IGF1R: variants seen among roughly 807,000 people sequenced by gnomAD.
IGF1R encodes the protein insulin-like growth factor 1 receptor.
A neutral mutation model predicts 144.6 loss-of-function variants in IGF1R; 44 were observed. The observed-to-expected ratio is 0.30, with a 90% CI of 0.24 to 0.39. The LOEUF (loss-of-function observed/expected upper bound fraction) is 0.39. Among genes scored for constraint, IGF1R ranks in the 10% least tolerant of loss-of-function variants. IGF1R has a pLI of 1.00. For synonymous variants in IGF1R, 795 were observed against 722.8 expected (o/e 1.10, Z -1.60); for missense variants, 1,355 against 1,833.7 (o/e 0.74, Z 4.77).
intron 2 of IGF1R, among the ~76,000 whole-genome samples, chr15:98,828,051 A>T (rs1002870016): frequency 6.6e-6 from 1 of 152,210 alleles, no homozygotes; most frequent in African/African-American, 2.4e-5. Flanking sequence ...GCGTGATGTG[A>T]AAAAGCAAGG....
chr15:98,869,202 G>T (rs922156784), intron 2 of IGF1R, among the ~76,000 whole-genome samples: 5 of 151,694 alleles, frequency 3.3e-5, no homozygotes, highest in South Asian at 2.1e-4. Flanking sequence ...GTACTTATCC[G>T]CCAGGAAACT....
At chr15:98,868,756 A>C (rs2012607335) in intron 2 of IGF1R, among the ~76,000 whole-genome samples, 1 of 152,176 alleles carries the variant, frequency 6.6e-6, no homozygotes, top group Admixed American at 6.5e-5. Context: ...GCACAGATGA[A>C]ATCTGACAGC....
At chr15:98,955,819 A>G (rs1028182570) in intron 20 of IGF1R, among the ~76,000 whole-genome samples, 1 of 152,274 alleles carries the variant, frequency 6.6e-6, no homozygotes, top group African/African-American at 2.4e-5. Context: ...ACAGGAGGCT[A>G]GATGCCACTG....
intron 5 of IGF1R, among the ~76,000 whole-genome samples, chr15:98,901,303 A>G (rs1369801595): frequency 6.6e-6 from 1 of 152,176 alleles, no homozygotes; most frequent in Non-Finnish European, 1.5e-5. Context: ...TGCAGCTCCA[A>G]GGATGCTGGC....
intron 2 of IGF1R, among the ~76,000 whole-genome samples, chr15:98,888,203 G>A (rs190663165): frequency 1.3e-5 from 2 of 152,268 alleles, no homozygotes; most frequent in East Asian, 3.9e-4. Flanking sequence ...CAGGATTGTC[G>A]CTGATCCTGC....
chr15:98,828,153 A>AC (rs2056930179), intron 2 of IGF1R, among the ~76,000 whole-genome samples: 1 of 152,192 alleles, frequency 6.6e-6, no homozygotes, highest in South Asian at 2.1e-4. Context: ...CATGAACAAG[A>AC]CTGCCCAGTT....
chr15:98,798,980 A>G (rs952435955), intron 2 of IGF1R, among the ~76,000 whole-genome samples: 2 of 152,178 alleles, frequency 1.3e-5, no homozygotes, highest in African/African-American at 2.4e-5. Context: ...AACTTGTCCA[A>G]GATCACACAG....
chr15:98,922,800 CCA>C (rs2015547202), intron 11 of IGF1R, among the ~76,000 whole-genome samples: 1 of 152,226 alleles, frequency 6.6e-6, no homozygotes, highest in Non-Finnish European at 1.5e-5. Context: ...AGAGATGTCT[CCA>C]GTTAGTTGCC....
chr15:98,734,500 G>T (rs1378410737), intron 2 of IGF1R, among the ~76,000 whole-genome samples: 1 of 152,148 alleles, frequency 6.6e-6, no homozygotes, highest in Non-Finnish European at 1.5e-5. Context: ...ACCCATGGAG[G>T]TTTCGTAAAG....
chr15:98,811,726 A>G (rs948288368), intron 2 of IGF1R, among the ~76,000 whole-genome samples: 50 of 151,866 alleles, frequency 3.3e-4, no homozygotes, highest in Non-Finnish European at 1.0e-4. Flanking sequence ...GGAGATCCAG[A>G]CCATCCTGGC....
chr15:98,711,300 A>G (rs1487786823), intron 2 of IGF1R, among the ~76,000 whole-genome samples: 1 of 152,202 alleles, frequency 6.6e-6, no homozygotes. Flanking sequence ...TGGCTGTAGA[A>G]CTACGGAGAA....
chr15:98,661,410 T>C (rs892991099), intron 1 of IGF1R, among the ~76,000 whole-genome samples: 1 of 152,224 alleles, frequency 6.6e-6, no homozygotes, highest in Non-Finnish European at 1.5e-5. Flanking sequence ...TTAGAAATTA[T>C]CCTTAAAGTC....
intron 2 of IGF1R, among the ~76,000 whole-genome samples, chr15:98,725,261 ATC>A (rs920280566): frequency 6.6e-6 from 1 of 152,210 alleles, no homozygotes; most frequent in Non-Finnish European, 1.5e-5. Context: ...CAGAATCTGT[ATC>A]TCCTCTTCCA....
At chr15:98,768,594 G>A (rs1255473384) in intron 2 of IGF1R, among the ~76,000 whole-genome samples, 2 of 131,362 alleles carry the variant, frequency 1.5e-5, no homozygotes, top group Admixed American at 8.5e-5. Context: ...CAGCCTGGGT[G>A]ACAAAGCGAG....
chr15:98,792,302 A>G (rs191453150), intron 2 of IGF1R, among the ~76,000 whole-genome samples: 4 of 152,344 alleles, frequency 2.6e-5, no homozygotes, highest in South Asian at 4.1e-4. Context: ...GCAGATGACT[A>G]ACACCCAAAT....
rs759668465 is a variant in IGF1R at position 98,939,394 on chromosome 15, C to G, written c.3457+34C>G. 7.4e-6 allele frequency: 12 copies of G among 1,610,898 alleles called. No individual in the cohort carries two copies. In the Admixed American group the frequency reaches 1.7e-4, roughly 22 times the overall value. ...TTAGCTTTCCAGGTCTGGGCAAGAA[C>G]TAAACTCAGGTGTTTTGAGGACTTT... On this transcript the variant is annotated intron_variant, in intron 18 of 20. Coordinates refer to ENST00000650285, the MANE Select transcript of IGF1R (RefSeq NM_000875.5).
rs1422947217 is a variant in IGF1R, at chr15:98,934,873, C to T, written c.3006C>T (p.Ser1002=). Residue 1002 remains serine, a synonymous_variant, in exon 16 of 21, where the codon AGC becomes AGT. Transcript: ENST00000650285. ...WEVAREKITM[S]RELGQGSFGM... is the part of the protein sequence containing the mutation. ...TGGCTCGGGAGAAGATCACCATGAGCCGGGAACTTGGGCAGGGGTCGTTTG... is the reference window on the plus strand; with the variant it reads ...TGGCTCGGGAGAAGATCACCATGAGTCGGGAACTTGGGCAGGGGTCGTTTG... 2.5e-6 allele frequency: 4 copies of T among 1,614,094 alleles called. No individual in the cohort carries two copies. The highest frequency in any genetic ancestry group is 3.4e-6 in the Non-Finnish European group (4 of 1,180,036).
At chr15:98,781,106 A>AGC (rs1032034971) in intron 2 of IGF1R, among the ~76,000 whole-genome samples, 1 of 152,230 alleles carries the variant, frequency 6.6e-6, no homozygotes, top group Non-Finnish European at 1.5e-5. Context: ...TGGATGACAG[A>AGC]GCGAGACCCT....
chr15:98,958,834 C>T lies in IGF1R; in HGVS notation c.*1392C>T, dbSNP rs1045674517. 1.7e-5 allele frequency: 4 copies of T among 233,436 alleles called. No homozygotes were observed. The highest frequency in any genetic ancestry group is 2.5e-5 in the Non-Finnish European group (3 of 117,970). The allele number at this position is 233,436 out of a possible 1,614,324, so 14.5% of individuals were successfully genotyped here. Reference sequence around the variant, plus strand: ...GCTTTGTACTAGAGTGCGTGACTTTCTTCCTCTTTTCCCGGTAATGGATAC... The same window carrying T: ...GCTTTGTACTAGAGTGCGTGACTTTTTTCCTCTTTTCCCGGTAATGGATAC... On this transcript the variant is annotated 3_prime_UTR_variant, in exon 21 of 21. Coordinates refer to ENST00000650285, the MANE Select transcript of IGF1R (RefSeq NM_000875.5).
Sources: allele counts gnomAD v4.1 joint callset (sites outside exome capture counted in the v4.1 genomes callset), GRCh38; gene constraint gnomAD v4.1.1; transcripts MANE v1.5; gene names NCBI Gene and HGNC (gene_info 2026-07-23, HGNC 2026-07-21).